The following SPON1 variants were observed in gnomAD, a reference collection of about 807,000 sequenced individuals.
The protein encoded by SPON1 is spondin 1, also known as spondin-1.
SPON1 carries 52 observed loss-of-function variants against 111.7 expected under a neutral mutation model. The ratio of observed to expected loss-of-function variants is 0.47; its 90% CI spans 0.37 to 0.59. The LOEUF (loss-of-function observed/expected upper bound fraction) is 0.59. Among genes scored for constraint, SPON1 ranks in the 20% least tolerant of loss-of-function variants. SPON1 has a pLI of 0.00. For synonymous variants in SPON1, 410 were observed against 395.8 expected (o/e 1.04, Z -0.43); for missense variants, 957 against 1,068.5 (o/e 0.90, Z 1.46).
chr11:14,159,143 T>C (rs1242001095), intron 6 of SPON1, among the ~76,000 whole-genome samples: 1 of 152,136 alleles, frequency 6.6e-6, no homozygotes, highest in Admixed American at 6.6e-5. Context: ...TTATAGTAAT[T>C]AGTAAGACTC....
At chr11:14,127,843 A>G (rs1554927156) in intron 5 of SPON1, among the ~76,000 whole-genome samples, 1 of 152,258 alleles carries the variant, frequency 6.6e-6, no homozygotes. Flanking sequence ...CAGGAAACTT[A>G]CAGTCATGGC....
chr11:14,023,363 G>A (rs1848494216), intron 2 of SPON1, among the ~76,000 whole-genome samples: 1 of 151,600 alleles, frequency 6.6e-6, no homozygotes, highest in South Asian at 2.1e-4. Context: ...GTGCTTTAGG[G>A]TGCTGGAGAG....
chr11:14,042,649 C>G (rs1848640659), intron 3 of SPON1, among the ~76,000 whole-genome samples: 1 of 152,088 alleles, frequency 6.6e-6, no homozygotes, highest in Admixed American at 6.5e-5. Context: ...CAGCCTTTCT[C>G]TTTTTTAAAT....
At chr11:14,230,915 A>C (rs1386773293) in intron 6 of SPON1, among the ~76,000 whole-genome samples, 8 of 148,632 alleles carry the variant, frequency 5.4e-5, no homozygotes, top group Admixed American at 4.0e-4. Flanking sequence ...CAGCCTCCTG[A>C]GTAGCTGAGT....
chr11:14,023,710 G>C (rs973230041), intron 2 of SPON1, among the ~76,000 whole-genome samples: 8 of 152,070 alleles, frequency 5.3e-5, no homozygotes, highest in African/African-American at 1.9e-4. Context: ...GAGCAGTATG[G>C]AAAAAAGACT....
At chr11:14,074,905 AT>A (rs1848905070) in intron 3 of SPON1, among the ~76,000 whole-genome samples, 1 of 152,198 alleles carries the variant, frequency 6.6e-6, no homozygotes, top group East Asian at 1.9e-4. Flanking sequence ...ATCAAAATAT[AT>A]TTTTAAATTC....
intron 5 of SPON1, among the ~76,000 whole-genome samples, chr11:14,134,424 ACT>A (rs1847566866): frequency 6.6e-6 from 1 of 152,172 alleles, no homozygotes; most frequent in Non-Finnish European, 1.5e-5. Flanking sequence ...CCCAGATCTT[ACT>A]CTGTTTTCCC....
intron 6 of SPON1, among the ~76,000 whole-genome samples, chr11:14,171,479 G>C (rs1424551613): frequency 1.3e-5 from 2 of 152,128 alleles, no homozygotes; most frequent in African/African-American, 4.8e-5. Flanking sequence ...GGTTTTTTAT[G>C]TCTCTATTTC....
intron 7 of SPON1, among the ~76,000 whole-genome samples, chr11:14,245,593 C>T (rs1344889002): frequency 6.6e-6 from 1 of 152,184 alleles, no homozygotes; most frequent in Non-Finnish European, 1.5e-5. Flanking sequence ...GAAGGTGTTC[C>T]TTGTGCTGGT....
At chr11:14,242,193 A>G (rs1554939756) in intron 6 of SPON1, among the ~76,000 whole-genome samples, 1 of 152,116 alleles carries the variant, frequency 6.6e-6, no homozygotes, top group African/African-American at 2.4e-5. Context: ...TTCAGTTTCC[A>G]TGGGGCTGTG....
chr11:14,217,751 T>A (rs1848640818), intron 6 of SPON1, among the ~76,000 whole-genome samples: 6 of 152,332 alleles, frequency 3.9e-5, no homozygotes, highest in African/African-American at 1.4e-4. Flanking sequence ...TTTTTTCATG[T>A]ATAAAATAAA....
intron 10 of SPON1, among the ~76,000 whole-genome samples, chr11:14,257,473 G>T (rs1849121834): frequency 6.6e-6 from 1 of 152,228 alleles, no homozygotes; most frequent in Non-Finnish European, 1.5e-5. Flanking sequence ...AGACGTTCAT[G>T]TGTTGAGAGG....
intron 2 of SPON1, among the ~76,000 whole-genome samples, chr11:14,006,569 TG>T (rs550005003): frequency 1.1e-3 from 168 of 152,302 alleles, no homozygotes; most frequent in African/African-American, 3.8e-3. Flanking sequence ...TGAGGCTTTT[TG>T]CTTGGTCGCA....
At position 14,077,947 on chromosome 11, in the gene SPON1, A is replaced by G. The variant is rs78542948; in HGVS notation, c.554-1952A>G. 6.9e-3 allele frequency among the ~76,000 whole-genome samples: 1,058 copies of G among 152,274 alleles called. 23 individuals carry two copies. Among genetic ancestry groups the G allele is most frequent in the African/African-American group, 0.024 (1,018 of 41,564 alleles). ...GAAGAGGAACAAAGAATACAGGAAG[A>G]GAGTTGCAAAGGAAGTCAGTGGATT... On this transcript the variant is annotated intron_variant, in intron 4 of 15. Transcript: ENST00000576479.
intron 5 of SPON1, among the ~76,000 whole-genome samples, chr11:14,091,019 C>T (rs572676683): frequency 2.2e-4 from 34 of 151,560 alleles, no homozygotes; most frequent in Admixed American, 5.2e-4. Context: ...CTAGACACAG[C>T]GTGTCGATTG....
At chr11:13,978,052 T>C (rs1554909193) in intron 1 of SPON1, among the ~76,000 whole-genome samples, 1 of 152,154 alleles carries the variant, frequency 6.6e-6, no homozygotes, top group African/African-American at 2.4e-5. Context: ...TCCTTTGTCA[T>C]AAACCAAGCT....
Position 14,228,585 on chromosome 11 carries a change from G to A in SPON1, c.826-14747G>A, listed in dbSNP as rs1366898993. ...GAGCACTGACCTTTGTGCCCCTGGA[G>A]GATCACTGGATGAGGGTCACCCTGG... On this transcript the variant is annotated intron_variant, in intron 6 of 15. Transcript: ENST00000576479. This position sits in a 1 kb window ranked among gnomAD's most constrained non-coding sequence, Gnocchi z 4.2. 6.6e-6 allele frequency among the ~76,000 whole-genome samples: 1 copy of A among 152,144 alleles called. No individual in the cohort carries two copies. The highest frequency in any genetic ancestry group is 1.5e-5 in the Non-Finnish European group (1 of 68,008).
chr11:14,089,022 G>C (rs1283477217), intron 5 of SPON1, among the ~76,000 whole-genome samples: 1 of 151,968 alleles, frequency 6.6e-6, no homozygotes, highest in African/African-American at 2.4e-5. Context: ...CTAGTTAGCA[G>C]TTCCTGTCAC....
chr11:14,218,135 T>G lies in SPON1; in HGVS notation c.826-25197T>G, dbSNP rs1554937288. 2.0e-5 allele frequency among the ~76,000 whole-genome samples: 3 copies of G among 152,236 alleles called. No individual in the cohort carries two copies. The South Asian group carries it at 6.2e-4, about 31-fold the overall frequency. On this transcript the variant is annotated intron_variant, in intron 6 of 15. Coordinates refer to ENST00000576479, the MANE Select transcript of SPON1 (RefSeq NM_006108.4). ...CTAATAATTTGTGCTGAAACAAATA[T>G]AGATATGTCCTCTTCTATTTTGTTT...
Sources: allele counts gnomAD v4.1 joint callset (sites outside exome capture counted in the v4.1 genomes callset), GRCh38; gene constraint gnomAD v4.1.1; non-coding constraint Gnocchi (gnomAD v3.1); transcripts MANE v1.5; gene names NCBI Gene and HGNC (gene_info 2026-07-23, HGNC 2026-07-21).